The following SGCD variants were observed in gnomAD, a reference collection of about 807,000 sequenced individuals.
The protein encoded by SGCD is delta-sarcoglycan.
SGCD carries 18 observed loss-of-function variants against 36.6 expected under a neutral mutation model. The observed-to-expected ratio is 0.49, with a 90% CI of 0.34 to 0.73. SGCD has a LOEUF of 0.73. Ranked by LOEUF, SGCD falls within the 30% of genes least tolerant of loss-of-function variation. The pLI, the probability that SGCD is intolerant of heterozygous loss-of-function variation, is 0.01. For missense variants in SGCD, 387 were observed against 346.7 expected (o/e 1.12, Z -0.92); for synonymous variants, 133 against 130.6 (o/e 1.02, Z -0.12).
rs1265689593 is a variant in SGCD, at chr5:155,955,187, T to G, written c.-282+84763T>G. Among the ~76,000 whole-genome samples, 4 of 152,122 alleles carry G rather than the reference T, an allele frequency of 2.6e-5. No individual in the cohort carries two copies. In the East Asian group the frequency reaches 7.7e-4, roughly 29 times the overall value. On this transcript the variant is annotated intron_variant, in intron 1 of 9. Transcript: ENST00000517913. ...TATCCAGGAATACCCTCACAGACAC[T>G]CTCAGAAGAATGTTTGATCAAATGT...
intron 4 of SGCD, among the ~76,000 whole-genome samples, chr5:156,567,677 C>T (rs1386564019): frequency 6.6e-6 from 1 of 152,148 alleles, no homozygotes; most frequent in Non-Finnish European, 1.5e-5. Flanking sequence ...GTAAATCTCA[C>T]CCAAAAATAT....
chr5:156,246,680 C>T (rs1238215241), intron 3 of SGCD, among the ~76,000 whole-genome samples: 1 of 152,128 alleles, frequency 6.6e-6, no homozygotes, highest in Non-Finnish European at 1.5e-5. Context: ...TTTAAATATG[C>T]TTTAAAGTAA....
intron 3 of SGCD, among the ~76,000 whole-genome samples, chr5:156,233,363 A>T (rs1237946510): frequency 1.3e-5 from 2 of 152,174 alleles, no homozygotes; most frequent in African/African-American, 4.8e-5. Flanking sequence ...GAATTCTCTA[A>T]CTGTAGCTTG....
intron 7 of SGCD, among the ~76,000 whole-genome samples, chr5:156,680,986 C>G (rs922249699): frequency 6.6e-6 from 1 of 152,096 alleles, no homozygotes; most frequent in Non-Finnish European, 1.5e-5. Context: ...AACACTGGAA[C>G]CAGCCGGTCG....
intron 6 of SGCD, among the ~76,000 whole-genome samples, chr5:156,605,294 T>C (rs1761385563): frequency 6.6e-6 from 1 of 152,132 alleles, no homozygotes. Context: ...AGTGAGAACA[T>C]GCAGTGTTTG....
intron 4 of SGCD, among the ~76,000 whole-genome samples, chr5:156,515,438 C>T (rs954081777): frequency 5.9e-5 from 9 of 152,056 alleles, no homozygotes; most frequent in African/African-American, 2.2e-4. Context: ...GAATCCTGCA[C>T]CTTCAGCTGA....
At chr5:155,836,150 C>T in the SGCD span, among the ~76,000 whole-genome samples, 1 of 152,164 alleles carries the variant, frequency 6.6e-6, no homozygotes, top group East Asian at 1.9e-4. Flanking sequence ...TATTTAAATA[C>T]TGGGAATTTA....
intron 6 of SGCD, among the ~76,000 whole-genome samples, chr5:156,620,261 A>G (rs1762191274): frequency 6.6e-6 from 1 of 152,180 alleles, no homozygotes; most frequent in South Asian, 2.1e-4. Flanking sequence ...AGTACCTGAT[A>G]TGTTAATGCC....
chr5:155,800,525 T>C, the SGCD span, among the ~76,000 whole-genome samples: 12 of 152,314 alleles, frequency 7.9e-5, no homozygotes, highest in African/African-American at 2.6e-4. Context: ...AGAAGTCTGA[T>C]ATTTATGTGA....
chr5:156,550,604 G>C (rs1312699576), intron 4 of SGCD, among the ~76,000 whole-genome samples: 1 of 152,204 alleles, frequency 6.6e-6, no homozygotes, highest in African/African-American at 2.4e-5. Flanking sequence ...GGAGGTTTAT[G>C]ACTCAATTTT....
the SGCD span, among the ~76,000 whole-genome samples, chr5:155,795,162 C>T: frequency 6.6e-6 from 1 of 151,974 alleles, no homozygotes; most frequent in Non-Finnish European, 1.5e-5. Flanking sequence ...GTCACCTGTG[C>T]TCAAATATAC....
At chr5:156,616,833 A>G (rs539568035) in intron 6 of SGCD, among the ~76,000 whole-genome samples, 2 of 152,320 alleles carry the variant, frequency 1.3e-5, no homozygotes, top group African/African-American at 2.4e-5. Flanking sequence ...CTAGTTTTGT[A>G]AATAATATTT....
At chr5:155,753,462 A>G in the SGCD span, among the ~76,000 whole-genome samples, 1 of 152,148 alleles carries the variant, frequency 6.6e-6, no homozygotes, top group Non-Finnish European at 1.5e-5. Flanking sequence ...TATTGGTTCT[A>G]AAAAGGATCG....
chr5:156,195,562 A>G (rs73811538), intron 3 of SGCD, among the ~76,000 whole-genome samples: 1 of 152,110 alleles, frequency 6.6e-6, no homozygotes, highest in Non-Finnish European at 1.5e-5. Flanking sequence ...ATCCCTCACT[A>G]TCCAGTAATA....
chr5:155,815,650 T>A, the SGCD span, among the ~76,000 whole-genome samples: 7 of 152,100 alleles, frequency 4.6e-5, no homozygotes. Context: ...AGCAGACACA[T>A]CCTACATGGC....
chr5:155,792,685 C>T, the SGCD span, among the ~76,000 whole-genome samples: 3 of 151,998 alleles, frequency 2.0e-5, no homozygotes, highest in Non-Finnish European at 2.9e-5. Context: ...CAGAGAAATG[C>T]AAATCAAAAC....
intron 3 of SGCD, among the ~76,000 whole-genome samples, chr5:156,166,566 C>T (rs1051647672): frequency 2.0e-5 from 3 of 152,152 alleles, no homozygotes; most frequent in East Asian, 1.9e-4. Flanking sequence ...GTGATCCGCC[C>T]GCCTCGGCCT....
chr5:156,091,715 G>A (rs1233264273), intron 1 of SGCD, among the ~76,000 whole-genome samples: 1 of 152,230 alleles, frequency 6.6e-6, no homozygotes, highest in Admixed American at 6.5e-5. Flanking sequence ...GTTAATGTTT[G>A]CATCATCAAA....
rs1437006739 is a variant in SGCD, at chr5:156,508,700, C to A, written c.292C>A (p.Pro98Thr). ...PLYAKEIQSR[P>T]GNALYFKSAR... ...CTACGCCAAAGAAATCCAGTCCCGA[C>A]CAGTAAGTTTCTGCTGAGAGAAGGA... The change falls in exon 4 of 9, where the codon CCA becomes ACA. Residue 98 changes from proline (P) to threonine (T), a missense_variant and splice_region_variant. Transcript: ENST00000337851. The A allele has an allele frequency of 1.3e-6, 2 of 1,562,362 alleles. No homozygotes were observed. The highest frequency in any genetic ancestry group is 1.8e-6 in the Non-Finnish European group (2 of 1,140,898).
Sources: gnomAD v4.1 joint callset for allele counts (sites outside exome capture counted in the v4.1 genomes callset) on GRCh38, gnomAD v4.1.1 for gene constraint, MANE v1.5 for transcripts, NCBI Gene and HGNC (gene_info 2026-07-23, HGNC 2026-07-21) for gene names.